The following TPP2 variants were observed in gnomAD, a reference collection of about 807,000 sequenced individuals.
TPP2 encodes the protein tripeptidyl-peptidase 2.
A neutral mutation model predicts 155.9 loss-of-function variants in TPP2; 34 were observed. The observed-to-expected ratio is 0.22, with a 90% CI of 0.17 to 0.29. TPP2 has a LOEUF of 0.29. Ranked by LOEUF, TPP2 falls within the 10% of genes least tolerant of loss-of-function variation. The probability of loss-of-function intolerance (pLI) is 1.00; values close to 1 mark genes in which losing one functional copy is unlikely to be tolerated. For missense variants in TPP2, 1,028 were observed against 1,522.3 expected (o/e 0.68, Z 5.40); for synonymous variants, 510 against 529.4 (o/e 0.96, Z 0.50).
chr13:102,607,565 T>G (rs1879934941), intron 2 of TPP2: 1 of 363,408 alleles, frequency 2.8e-6, no homozygotes, highest in East Asian at 9.5e-5. Flanking sequence ...TAGAGCCATA[T>G]AAAGTATTAC....
intron 10 of TPP2, 72 bp from the exon 11 acceptor site, chr13:102,633,878 G>A: frequency 6.3e-7 from 1 of 1,596,898 alleles, no homozygotes; most frequent in Non-Finnish European, 8.6e-7. Flanking sequence ...TTTAACCAGT[G>A]GTCGTCTTAA....
At chr13:102,644,789 TAGC>T in intron 18 of TPP2, 116 bp downstream of exon 18, 1 of 1,402,956 alleles carries the variant, frequency 7.1e-7, no homozygotes, top group Non-Finnish European at 9.9e-7. Context: ...GTTCTGAAGA[TAGC>T]AGTAGGCTTT....
intron 1 of TPP2, among the ~76,000 whole-genome samples, chr13:102,599,946 C>G (rs1163493347): frequency 6.7e-6 from 1 of 149,498 alleles, no homozygotes; most frequent in South Asian, 2.1e-4. Context: ...AGTCTTGTTT[C>G]TCTTTGATCC....
intron 8 of TPP2, among the ~76,000 whole-genome samples, chr13:102,628,769 A>G (rs1881820583): frequency 6.6e-6 from 1 of 152,094 alleles, no homozygotes; most frequent in Admixed American, 6.5e-5. Context: ...TGTTATCATG[A>G]GTCATTTCAT....
intron 16 of TPP2, 88 bp downstream of exon 16, chr13:102,640,464 G>A (rs1204961828): frequency 6.1e-6 from 6 of 981,962 alleles, no homozygotes; most frequent in African/African-American, 1.6e-5. Context: ...TCTGTAGCAT[G>A]TATTTCCCTG....
chr13:102,620,512 C>G (rs1178841974), intron 5 of TPP2, among the ~76,000 whole-genome samples: 4 of 152,078 alleles, frequency 2.6e-5, no homozygotes, highest in African/African-American at 9.7e-5. Flanking sequence ...TAAGGTTAAT[C>G]CAGTCCTGTC....
chr13:102,667,659 A>C, intron 27 of TPP2: 1 of 740,692 alleles, frequency 1.4e-6, no homozygotes, highest in Non-Finnish European at 1.6e-6. Flanking sequence ...AGATATGTAG[A>C]ATTTAGATTA....
intron 12 of TPP2, 133 bp from the exon 13 acceptor site, chr13:102,636,091 T>C: frequency 1.3e-6 from 1 of 785,788 alleles, no homozygotes; most frequent in Non-Finnish European, 2.0e-6. Context: ...GTTGGGGTAC[T>C]AGGTAGTTTT....
intron 24 of TPP2, among the ~76,000 whole-genome samples, chr13:102,651,948 A>T (rs1385630367): frequency 6.6e-6 from 1 of 152,224 alleles, no homozygotes; most frequent in Non-Finnish European, 1.5e-5. Flanking sequence ...CTGACAATTA[A>T]AGCTTATGCT....
At chr13:102,607,055 T>A (rs1239158286) in intron 2 of TPP2, among the ~76,000 whole-genome samples, 1 of 152,168 alleles carries the variant, frequency 6.6e-6, no homozygotes, top group Non-Finnish European at 1.5e-5. Flanking sequence ...TTCTAGGGCA[T>A]ATGAGGACAC....
At chr13:102,670,511 A>G (rs937184679) in intron 27 of TPP2, among the ~76,000 whole-genome samples, 4 of 152,338 alleles carry the variant, frequency 2.6e-5, no homozygotes, top group Admixed American at 6.5e-5. Context: ...CATCTGTCCT[A>G]TTAATCCTGT....
chr13:102,600,039 G>A (rs1172771916), intron 1 of TPP2, among the ~76,000 whole-genome samples: 1 of 149,118 alleles, frequency 6.7e-6, no homozygotes, highest in Non-Finnish European at 1.5e-5. Flanking sequence ...AAGCCATTTT[G>A]GAATCTCAAC....
Position 102,649,283 on chromosome 13 carries a change from G to A in TPP2, c.2874-125G>A, listed in dbSNP as rs1464733795. ...TTTTGGCTGAAGTATTTCTTCCTTTGATTTTTGAAGTCTTAGCTATGGGAA... is the reference window on the plus strand; with the variant it reads ...TTTTGGCTGAAGTATTTCTTCCTTTAATTTTTGAAGTCTTAGCTATGGGAA... On this transcript the variant is annotated intron_variant, in intron 22 of 29. Transcript: ENST00000376052. 3 of 1,437,210 alleles carry A rather than the reference G, an allele frequency of 2.1e-6. No homozygotes were observed. The Admixed American group carries it at 7.0e-5, about 33-fold the overall frequency. 89.0% of individuals were successfully genotyped at this position (1,437,210 alleles called of 1,614,324 possible). A position where few individuals can be genotyped will look rare whatever the true frequency, so the allele number is the denominator to read the frequency against.
chr13:102,663,141 T>A (rs1450112170), intron 25 of TPP2, among the ~76,000 whole-genome samples: 12 of 63,578 alleles, frequency 1.9e-4, no homozygotes, highest in Non-Finnish European at 3.6e-4. Flanking sequence ...TTTTTTTTAA[T>A]TAATTAATTA....
At position 102,645,027 on chromosome 13, in the gene TPP2, A is replaced by G. The variant is rs1240380508; in HGVS notation, c.2393+18A>G. The G allele has an allele frequency of 6.2e-7, 1 of 1,606,050 alleles. No individual in the cohort carries two copies. Reference sequence around the variant, plus strand: ...ACACTGCGGTATCATTCAATGTTTTAGGAACTACAGATATTGAATATAGAT... The same window carrying G: ...ACACTGCGGTATCATTCAATGTTTTGGGAACTACAGATATTGAATATAGAT... On this transcript the variant is annotated intron_variant, in intron 19 of 29. Coordinates refer to ENST00000376052, the MANE Select transcript of TPP2 (RefSeq NM_001330588.2).
At chr13:102,647,745 C>G (rs766661682) in intron 21 of TPP2, among the ~76,000 whole-genome samples, 9 of 152,212 alleles carry the variant, frequency 5.9e-5, no homozygotes, top group Non-Finnish European at 1.2e-4. Flanking sequence ...GCAGTGGCCG[C>G]ATGTCTTCAG....
intron 2 of TPP2, among the ~76,000 whole-genome samples, chr13:102,611,325 G>A (rs1268235004): frequency 2.6e-5 from 4 of 152,160 alleles, no homozygotes; most frequent in African/African-American, 7.2e-5. Context: ...TTCCAAGTGC[G>A]TGTTTGTTTG....
chr13:102,675,358 GAGCC>G (rs1885224765), intron 28 of TPP2, among the ~76,000 whole-genome samples: 1 of 152,194 alleles, frequency 6.6e-6, no homozygotes, highest in African/African-American at 2.4e-5. Flanking sequence ...TCTGAAATTA[GAGCC>G]CTTGAGTTTG....
At chr13:102,645,734 T>C (rs1453794288) in intron 19 of TPP2, among the ~76,000 whole-genome samples, 1 of 152,254 alleles carries the variant, frequency 6.6e-6, no homozygotes, top group African/African-American at 2.4e-5. Flanking sequence ...TCACTGACAT[T>C]TTAAACTATA....
Sources: gnomAD v4.1 joint callset for allele counts (sites outside exome capture counted in the v4.1 genomes callset) on GRCh38, gnomAD v4.1.1 for gene constraint, MANE v1.5 for transcripts, NCBI Gene and HGNC (gene_info 2026-07-23, HGNC 2026-07-21) for gene names.